RIOX2: variants seen among roughly 807,000 people sequenced by gnomAD.
RIOX2 encodes the protein ribosomal oxygenase 2.
In RIOX2, 43 loss-of-function variants were observed where a neutral mutation model predicts 51.2. The ratio of observed to expected loss-of-function variants is 0.84; its 90% CI spans 0.66 to 1.08. RIOX2 has a LOEUF of 1.08. RIOX2 is among the 50% of genes least tolerant of loss of function. The pLI is 0.00. For missense variants in RIOX2, 566 were observed against 561.7 expected (o/e 1.01, Z -0.08); for synonymous variants, 226 against 218.5 (o/e 1.03, Z -0.30).
rs1295994605 is a variant in RIOX2, at chr3:97,950,837, A to T, written c.837T>A (p.Thr279=). ...LDTISGLVFD[T]AKEDVELRTG... is the part of the protein sequence containing the mutation. ...TCCGTAACTCCACGTCTTCCTTTGC[A>T]GTATCAAATACAAGCCCCGAGATGG... The change falls in exon 6 of 10, where the codon ACT becomes ACA. Residue 279 remains threonine (T), a synonymous_variant. Coordinates refer to ENST00000394198, the MANE Select transcript of RIOX2 (RefSeq NM_153182.4). 2.5e-6 allele frequency: 4 copies of T among 1,613,900 alleles called. No homozygotes were observed. In the Admixed American group the frequency reaches 6.7e-5, roughly 27 times the overall value.
At position 97,950,833 on chromosome 3, in the gene RIOX2, T is replaced by C. The variant is rs1705217511; in HGVS notation, c.841A>G (p.Lys281Glu). The C allele has an allele frequency of 2.5e-6, 4 of 1,613,754 alleles. No individual in the cohort carries two copies. Among genetic ancestry groups the C allele is most frequent in the African/African-American group, 1.3e-5 (1 of 74,880 alleles). Reference sequence around the variant, plus strand: ...CCGGTCCGTAACTCCACGTCTTCCTTTGCAGTATCAAATACAAGCCCCGAG... The same window carrying C: ...CCGGTCCGTAACTCCACGTCTTCCTCTGCAGTATCAAATACAAGCCCCGAG... ...TISGLVFDTA[K>E]EDVELRTGIP... is the part of the protein sequence containing the mutation. Residue 281 changes from lysine (K) to glutamate (E), a missense_variant, in exon 6 of 10, where the codon AAG becomes GAG. Coordinates refer to ENST00000394198, the MANE Select transcript of RIOX2 (RefSeq NM_153182.4).
In RIOX2 at chr3:97,954,383, A is replaced by G; in HGVS notation, c.785+9T>C. 1 of 1,595,808 alleles carries G rather than the reference A, an allele frequency of 6.3e-7. No homozygotes were observed. The highest frequency in any genetic ancestry group is 8.6e-7 in the Non-Finnish European group (1 of 1,163,536). On this transcript the variant is annotated intron_variant, in intron 5 of 9. Transcript: ENST00000394198. Reference sequence around the variant, plus strand: ...GTCCTAGCATGTGCAGCTGGGAGGCAGTGTTTACTTGTTCTGGTAGGTGCT... The same window carrying G: ...GTCCTAGCATGTGCAGCTGGGAGGCGGTGTTTACTTGTTCTGGTAGGTGCT...
chr3:97,972,369 C>G lies in RIOX2; in HGVS notation c.-40+12G>C, dbSNP rs1161813289. ...CCCGGCGCTGGGATGCCCACGAGAG[C>G]GCCCCACTCACCCGGCACGGCCTGT... On this transcript the variant is annotated intron_variant, in intron 1 of 9. Coordinates refer to ENST00000394198, the MANE Select transcript of RIOX2 (RefSeq NM_153182.4). The G allele has an allele frequency of 6.6e-6, 1 of 151,802 alleles. No individual in the cohort carries two copies. The highest frequency in any genetic ancestry group is 1.5e-5 in the Non-Finnish European group (1 of 67,910). The allele number at this position is 151,802 out of a possible 1,614,324, so 9.4% of individuals were successfully genotyped here.
At chr3:97,950,142 G>A (rs1705190682) in intron 6 of RIOX2, 127 bp from the exon 7 acceptor site, 6 of 834,394 alleles carry the variant, frequency 7.2e-6, no homozygotes, top group Non-Finnish European at 1.1e-5. Context: ...TTCCAAAGGG[G>A]AAGGGACAAC....
At chr3:97,968,456 C>A (rs1705988642) in intron 1 of RIOX2, among the ~76,000 whole-genome samples, 1 of 152,208 alleles carries the variant, frequency 6.6e-6, no homozygotes, top group Non-Finnish European at 1.5e-5. Flanking sequence ...ACACAGATCA[C>A]CTTAGCATCT....
In RIOX2 at chr3:97,947,515, A is replaced by ATG. The variant is rs1383398364; in HGVS notation, c.1061-67_1061-66insCA. 7 of 1,158,630 alleles carry ATG rather than the reference A, an allele frequency of 6.0e-6. 1 individual carries two copies. In the African/African-American group the frequency reaches 1.1e-4, roughly 18 times the overall value. 71.8% of individuals were successfully genotyped at this position (1,158,630 alleles called of 1,614,324 possible). A position where few individuals can be genotyped will look rare whatever the true frequency, so the allele number is the denominator to read the frequency against. On this transcript the variant is annotated intron_variant, in intron 7 of 9. Transcript: ENST00000394198. Reference sequence around the variant, plus strand: ...GAAACAGGCAGATTCAAACTTGCTTATACATACACATAGGAAACACATTTA... The same window carrying ATG: ...GAAACAGGCAGATTCAAACTTGCTTATGTACATACACATAGGAAACACATTTA...
At chr3:97,972,347 G>C (rs1706168850) in intron 1 of RIOX2, 34 bp downstream of exon 1, 1 of 151,864 alleles carries the variant, frequency 6.6e-6, no homozygotes, top group Non-Finnish European at 1.5e-5. Flanking sequence ...GGCCTGCCCC[G>C]GCGCTGGGAT....
chr3:97,969,069 C>A (rs1706018127), intron 1 of RIOX2, among the ~76,000 whole-genome samples: 1 of 152,122 alleles, frequency 6.6e-6, no homozygotes, highest in African/African-American at 2.4e-5. Context: ...CAGATGTAAA[C>A]TGAACAAATT....
chr3:97,949,024 CT>C (rs1705124138), intron 7 of RIOX2, among the ~76,000 whole-genome samples: 1 of 152,078 alleles, frequency 6.6e-6, no homozygotes, highest in South Asian at 2.1e-4. Flanking sequence ...TGATGATAAT[CT>C]TGGACATTTC....
rs748639562 is a variant in RIOX2 at position 97,967,453 on chromosome 3, C to T, written c.141G>A (p.Ser47=). 1.3e-5 allele frequency: 21 copies of T among 1,613,940 alleles called. No homozygotes were observed. The highest frequency in any genetic ancestry group is 4.5e-5 in the East Asian group (2 of 44,884). ...TGAAAAAAGTCTCTGTCTTGATGGG[C>T]GAGATTAAACTTTCAAAGAGACTAC... ...SPSSLFESLI[S]PIKTETFFKE... Residue 47 remains serine, a synonymous_variant, in exon 2 of 10, where the codon TCG becomes TCA. Transcript: ENST00000394198.
chr3:97,952,211 A>G (rs1415487357), intron 5 of RIOX2: 10 of 1,289,648 alleles, frequency 7.8e-6, no homozygotes, highest in Non-Finnish European at 1.0e-5. Context: ...CTGGGGAGCA[A>G]TGGCCCTCAA....
intron 5 of RIOX2, among the ~76,000 whole-genome samples, chr3:97,951,450 G>GT (rs1319801294): frequency 6.6e-6 from 1 of 152,146 alleles, no homozygotes; most frequent in Non-Finnish European, 1.5e-5. Flanking sequence ...TCTAGCAGTG[G>GT]TTTTACCGGG....
chr3:97,963,639 CT>C, intron 2 of RIOX2, among the ~76,000 whole-genome samples: 1 of 152,342 alleles, frequency 6.6e-6, no homozygotes, highest in South Asian at 2.1e-4. Context: ...GGGCTTCTCT[CT>C]CTCTCTTTCT....
intron 5 of RIOX2, among the ~76,000 whole-genome samples, chr3:97,951,414 C>G (rs1349975356): frequency 6.6e-6 from 1 of 152,142 alleles, no homozygotes; most frequent in Non-Finnish European, 1.5e-5. Flanking sequence ...AAAATATCTA[C>G]CATCAATAAT....
chr3:97,957,587 G>A (rs1266264753), intron 4 of RIOX2, among the ~76,000 whole-genome samples: 1 of 151,882 alleles, frequency 6.6e-6, no homozygotes, highest in Admixed American at 6.6e-5. Context: ...GAGACTCAGT[G>A]CATCTCCTAA....
At position 97,950,863 on chromosome 3, in the gene RIOX2, T is replaced by C. The variant is rs1705219035; in HGVS notation, c.811A>G (p.Thr271Ala). 2 of 1,613,462 alleles carry C rather than the reference T, an allele frequency of 1.2e-6. No individual in the cohort carries two copies. Among genetic ancestry groups the C allele is most frequent in the Admixed American group, 1.7e-5 (1 of 59,978 alleles). ...GTATCAAATACAAGCCCCGAGATGG[T>C]ATCCAAAAGGAAATCTCCCCATGAA... ...NNSWGDFLLDTISGLVFDTAK... is the reference protein window; with the variant it reads ...NNSWGDFLLDAISGLVFDTAK... Residue 271 changes from threonine (T) to alanine (A), a missense_variant, in exon 6 of 10, where the codon ACC becomes GCC. Transcript: ENST00000394198.
At chr3:97,964,755 C>T (rs1705818626) in intron 2 of RIOX2, among the ~76,000 whole-genome samples, 1 of 146,108 alleles carries the variant, frequency 6.8e-6, no homozygotes, top group South Asian at 2.2e-4. Flanking sequence ...GGAACAAAAG[C>T]TGCCCTATTT....
intron 4 of RIOX2, among the ~76,000 whole-genome samples, chr3:97,958,760 A>G (rs757913566): frequency 2.0e-5 from 3 of 152,160 alleles, no homozygotes; most frequent in Non-Finnish European, 4.4e-5. Context: ...TCAGTGGTTC[A>G]CTGAATTCTC....
In RIOX2 at chr3:97,945,087, G is replaced by T; in HGVS notation, c.*97C>A. On this transcript the variant is annotated 3_prime_UTR_variant, in exon 10 of 10. Coordinates refer to ENST00000394198, the MANE Select transcript of RIOX2 (RefSeq NM_153182.4). The stretch of plus-strand genomic sequence containing the variant: ...CTCATGTTTGTTAGTAGATACGCAG[G>T]TAAGGAAACTTGAATTCATCCTCTC... The T allele has an allele frequency of 8.7e-7, 1 of 1,144,270 alleles. No individual in the cohort carries two copies. Among genetic ancestry groups the T allele is most frequent in the Non-Finnish European group, 1.2e-6 (1 of 831,418 alleles). The allele number at this position is 1,144,270 out of a possible 1,614,324, so 70.9% of individuals were successfully genotyped here. A position where few individuals can be genotyped will look rare whatever the true frequency, so the allele number is the denominator to read the frequency against.
Sources: allele counts gnomAD v4.1 joint callset (sites outside exome capture counted in the v4.1 genomes callset), GRCh38; gene constraint gnomAD v4.1.1; transcripts MANE v1.5; gene names NCBI Gene and HGNC (gene_info 2026-07-23, HGNC 2026-07-21).